The following PPFIA2 variants were observed in gnomAD, a reference collection of about 807,000 sequenced individuals.
The protein encoded by PPFIA2 is liprin-alpha-2.
A neutral mutation model predicts 175.5 loss-of-function variants in PPFIA2; 46 were observed. The ratio of observed to expected loss-of-function variants is 0.26; its 90% confidence interval spans 0.21 to 0.34. The LOEUF (loss-of-function observed/expected upper bound fraction) is 0.34. Among genes scored for constraint, PPFIA2 ranks in the 10% least tolerant of loss-of-function variants. PPFIA2 has a pLI of 1.00. For synonymous variants in PPFIA2, 568 were observed against 511.4 expected (o/e 1.11, Z -1.49); for missense variants, 1,179 against 1,506.1 (o/e 0.78, Z 3.60).
chr12:81,715,037 T>A (rs1270058170), intron 3 of PPFIA2, among the ~76,000 whole-genome samples: 1 of 151,012 alleles, frequency 6.6e-6, no homozygotes. Context: ...AAACTCCCTA[T>A]GTCATTCTTC....
At chr12:81,458,351 TTTACAAAATA>T (rs57987623) in intron 4 of PPFIA2, among the ~76,000 whole-genome samples, 47,472 of 80,226 alleles carry the variant, frequency 0.59, 8,346 homozygotes, top group East Asian at 0.65. Flanking sequence ...TTTTTTTTTT[TTTACAAAATA>T]ACAAAATAAC....
intron 8 of PPFIA2, 29 bp from the exon 9 acceptor site, chr12:81,384,273 T>G (rs2038429839): frequency 7.5e-7 from 1 of 1,342,012 alleles, no homozygotes; most frequent in Non-Finnish European, 1.0e-6. Flanking sequence ...AAATGGCACT[T>G]AAGAATTTTC....
chr12:81,460,467 T>G (rs938715302), intron 4 of PPFIA2, among the ~76,000 whole-genome samples: 1 of 152,060 alleles, frequency 6.6e-6, no homozygotes, highest in East Asian at 1.9e-4. Flanking sequence ...CAACTACAAT[T>G]ATCTTGCATG....
At chr12:81,412,724 TA>T (rs2044216763) in intron 7 of PPFIA2, among the ~76,000 whole-genome samples, 2 of 151,978 alleles carry the variant, frequency 1.3e-5, no homozygotes, top group South Asian at 4.1e-4. Flanking sequence ...AGGTTCTTGT[TA>T]TATCAAATGG....
At chr12:81,307,416 C>T (rs540991403) in intron 22 of PPFIA2, among the ~76,000 whole-genome samples, 1 of 152,274 alleles carries the variant, frequency 6.6e-6, no homozygotes, top group African/African-American at 2.4e-5. Context: ...GATTATAGGG[C>T]ATTTTTAAAG....
intron 4 of PPFIA2, among the ~76,000 whole-genome samples, chr12:81,531,504 C>A (rs1161318416): frequency 6.6e-6 from 1 of 151,480 alleles, no homozygotes; most frequent in Admixed American, 6.6e-5. Context: ...AATGAAGAAT[C>A]CCCTAGGCTA....
At chr12:81,566,530 CAAA>C (rs3075452) in intron 4 of PPFIA2, among the ~76,000 whole-genome samples, 39 of 68,448 alleles carry the variant, frequency 5.7e-4, no homozygotes, top group African/African-American at 2.0e-3. Flanking sequence ...GACTCCAACT[CAAA>C]AAAAAAAAAA....
At chr12:81,535,087 C>T (rs2065187126) in intron 4 of PPFIA2, among the ~76,000 whole-genome samples, 2 of 151,656 alleles carry the variant, frequency 1.3e-5, no homozygotes, top group Non-Finnish European at 3.0e-5. Context: ...CAAAGATCTT[C>T]TTGGATTATA....
At chr12:81,685,037 T>C (rs547103090) in intron 3 of PPFIA2, among the ~76,000 whole-genome samples, 2 of 152,250 alleles carry the variant, frequency 1.3e-5, no homozygotes, top group African/African-American at 4.8e-5. Context: ...CTGGCATTAA[T>C]AAATGGTTCA....
intron 26 of PPFIA2, among the ~76,000 whole-genome samples, chr12:81,282,053 A>G (rs1308273938): frequency 6.6e-6 from 1 of 152,078 alleles, no homozygotes; most frequent in East Asian, 1.9e-4. Flanking sequence ...ACTCTAAAAG[A>G]AGCAGGACAG....
At chr12:81,612,551 T>A (rs1393403068) in intron 4 of PPFIA2, among the ~76,000 whole-genome samples, 1 of 152,168 alleles carries the variant, frequency 6.6e-6, no homozygotes, top group East Asian at 1.9e-4. Flanking sequence ...ATCAAGAAAT[T>A]TATTTTAGCT....
chr12:81,482,486 C>G (rs766746941), intron 4 of PPFIA2, among the ~76,000 whole-genome samples: 8 of 152,156 alleles, frequency 5.3e-5, no homozygotes, highest in Non-Finnish European at 1.0e-4. Flanking sequence ...TTGGAACCCA[C>G]CCATATGTCC....
intron 22 of PPFIA2, among the ~76,000 whole-genome samples, chr12:81,319,766 T>C (rs1015191375): frequency 3.3e-5 from 5 of 151,958 alleles, no homozygotes; most frequent in African/African-American, 1.2e-4. Context: ...TGATCTCTTA[T>C]TGTCAAAGTT....
At chr12:81,710,004 T>C (rs1041450488) in intron 3 of PPFIA2, among the ~76,000 whole-genome samples, 2 of 152,044 alleles carry the variant, frequency 1.3e-5, no homozygotes, top group Admixed American at 6.6e-5. Flanking sequence ...GCCAATTCAA[T>C]AGGGGATAAT....
intron 4 of PPFIA2, among the ~76,000 whole-genome samples, chr12:81,461,328 C>G (rs1009313531): frequency 6.6e-6 from 1 of 152,048 alleles, no homozygotes; most frequent in African/African-American, 2.4e-5. Flanking sequence ...CACTTTGATT[C>G]TAAAACGTTT....
intron 4 of PPFIA2, among the ~76,000 whole-genome samples, chr12:81,480,495 G>T (rs1358589915): frequency 6.6e-6 from 1 of 152,036 alleles, no homozygotes; most frequent in Non-Finnish European, 1.5e-5. Flanking sequence ...GAGACATATT[G>T]GTTTTGGGAA....
intron 4 of PPFIA2, among the ~76,000 whole-genome samples, chr12:81,561,516 C>G (rs181763312): frequency 9.2e-5 from 14 of 151,836 alleles, no homozygotes; most frequent in South Asian, 4.2e-4. Flanking sequence ...GAGTCCCCCC[C>G]CAAAAAAAAC....
At chr12:81,271,269 C>CT (rs2039017193) in intron 28 of PPFIA2, among the ~76,000 whole-genome samples, 1 of 151,878 alleles carries the variant, frequency 6.6e-6, no homozygotes, top group South Asian at 2.1e-4. Flanking sequence ...CATTAGCTTT[C>CT]TTTTTTCTTT....
chr12:81,605,583 A>G (rs2060207100), intron 4 of PPFIA2, among the ~76,000 whole-genome samples: 1 of 151,958 alleles, frequency 6.6e-6, no homozygotes, highest in Non-Finnish European at 1.5e-5. Flanking sequence ...ATTTATATGG[A>G]TAACATATGA....
Sources: allele counts gnomAD v4.1 joint callset (sites outside exome capture counted in the v4.1 genomes callset), GRCh38; gene constraint gnomAD v4.1.1; transcripts MANE v1.5; gene names NCBI Gene and HGNC (gene_info 2026-07-23, HGNC 2026-07-21).